Variants in PROS1 observed in about 807,000 individuals in gnomAD.
PROS1 encodes protein S.
A neutral mutation model predicts 75.9 loss-of-function variants in PROS1; 29 were observed. The ratio of observed to expected loss-of-function variants is 0.38; its 90% CI spans 0.28 to 0.52. The LOEUF (loss-of-function observed/expected upper bound fraction) is 0.52, where lower values mean the gene tolerates loss of function less well. Ranked by LOEUF, PROS1 falls within the 20% of genes least tolerant of loss-of-function variation. The pLI, the probability that PROS1 is intolerant of heterozygous loss-of-function variation, is 0.83. For synonymous variants in PROS1, 245 were observed against 280.6 expected, an observed-to-expected ratio of 0.87 and a Z score of 1.27; for missense variants, 680 against 810.3, an observed-to-expected ratio of 0.84 and a Z score of 1.95.
At chr3:93,953,507 G>A (rs879068407) in intron 1 of PROS1, among the ~76,000 whole-genome samples, 23 of 152,102 alleles carry the variant, frequency 1.5e-4, no homozygotes, top group African/African-American at 5.1e-4. Context: ...TGCAGAAAAG[G>A]CCTTCAGCAA....
chr3:93,884,853 A>G lies in PROS1; in HGVS notation c.1367T>C (p.Met456Thr). ...LDGCIRSWNLMKQGASGIKEI... is the reference protein window; with the variant it reads ...LDGCIRSWNLTKQGASGIKEI... ...CTTTATTCCAGAAGCTCCTTGCTTC[A>G]TCAAATTCCAGCTTCGTATACATCC... The change falls in exon 12 of 15, where the codon ATG (methionine) becomes ACG (threonine). Residue 456 changes from methionine (M) to threonine (T), a missense_variant. By Grantham distance (81) the Met-to-Thr change is moderately conservative. Coordinates refer to ENST00000394236, the MANE Select transcript of PROS1 (RefSeq NM_000313.4). 6.2e-7 allele frequency: 1 copy of G among 1,613,342 alleles called. No individual in the cohort carries two copies.
intron 1 of PROS1, among the ~76,000 whole-genome samples, chr3:93,956,030 T>G (rs1187608008): frequency 6.6e-6 from 1 of 152,122 alleles, no homozygotes; most frequent in Admixed American, 6.6e-5. Context: ...TTAATGTAAA[T>G]AGACTGAATT....
At chr3:93,931,396 A>G (rs1709103041) in intron 1 of PROS1, among the ~76,000 whole-genome samples, 2 of 152,228 alleles carry the variant, frequency 1.3e-5, no homozygotes, top group South Asian at 4.1e-4. Context: ...TCATTAGTTT[A>G]GATATAATTA....
chr3:93,973,852 C>G lies in PROS1; in HGVS notation c.-103G>C, dbSNP rs1372151110. ...CGAGCCTGTGCGCCTCGGTCTGAGC[C>G]GTGCTGCGCGGCGGCGCCAGCGACC... On this transcript the variant is annotated 5_prime_UTR_variant, in exon 1 of 15. Coordinates refer to ENST00000394236, the MANE Select transcript of PROS1 (RefSeq NM_000313.4). 2.1e-6 allele frequency: 2 copies of G among 940,466 alleles called. No individual in the cohort carries two copies. Among genetic ancestry groups the G allele is most frequent in the African/African-American group, 1.8e-5 (1 of 56,994 alleles). The allele number at this position is 940,466 out of a possible 1,614,324, so 58.3% of individuals were successfully genotyped here. A position where few individuals can be genotyped will look rare whatever the true frequency, so the allele number is the denominator to read the frequency against.
chr3:93,953,953 T>A (rs549055300), intron 1 of PROS1, among the ~76,000 whole-genome samples: 1 of 152,174 alleles, frequency 6.6e-6, no homozygotes, highest in Non-Finnish European at 1.5e-5. Flanking sequence ...AGCCAAATCA[T>A]GAGTGAACTC....
At chr3:93,922,462 A>G (rs1459566595) in intron 3 of PROS1, among the ~76,000 whole-genome samples, 1 of 152,182 alleles carries the variant, frequency 6.6e-6, no homozygotes, top group Non-Finnish European at 1.5e-5. Context: ...CTATAATGAA[A>G]CCCAGAGTAC....
At position 93,905,882 on chromosome 3, in the gene PROS1, T is replaced by C. The variant is rs144430063; in HGVS notation, c.503A>G (p.Asn168Ser). 294 of 1,612,542 alleles carry C rather than the reference T, an allele frequency of 1.8e-4. 1 individual carries two copies. Among genetic ancestry groups the C allele is most frequent in the Middle Eastern group, 1.5e-3 (9 of 6,054 alleles). ...ATCACAAATTTGACTGCAACCTCCATTTATATTTGAGGGATCTTTGCATTC... is the reference window on the plus strand; with the variant it reads ...ATCACAAATTTGACTGCAACCTCCACTTATATTTGAGGGATCTTTGCATTC... The part of the protein sequence containing the change: ...INECKDPSNI[N>S]GGCSQICDNT... The change falls in exon 6 of 15, where the codon AAT becomes AGT. Residue 168 changes from asparagine to serine, a missense_variant. Coordinates refer to ENST00000394236, the MANE Select transcript of PROS1 (RefSeq NM_000313.4).
rs1421550749 is a variant in PROS1, at chr3:93,895,491, G to A, written c.965+1085C>T. On this transcript the variant is annotated intron_variant, in intron 9 of 14. Coordinates refer to ENST00000394236, the MANE Select transcript of PROS1 (RefSeq NM_000313.4). ...TATTGATCTTAGAATAATTTTCAAT[G>A]TTTTTAATAACGTCTATGAATTTAG... Among the ~76,000 whole-genome samples, 4 of 152,128 alleles carry A rather than the reference G, an allele frequency of 2.6e-5. No homozygotes were observed. In the South Asian group the frequency reaches 6.2e-4, roughly 24 times the overall value.
intron 1 of PROS1, among the ~76,000 whole-genome samples, chr3:93,945,032 TG>T (rs1709360280): frequency 6.6e-6 from 1 of 152,134 alleles, no homozygotes; most frequent in African/African-American, 2.4e-5. Context: ...GAGAATACTA[TG>T]AACACCTCTA....
intron 6 of PROS1, 59 bp from the exon 7 acceptor site, chr3:93,900,988 A>G: frequency 6.4e-7 from 1 of 1,567,566 alleles, no homozygotes; most frequent in Non-Finnish European, 8.7e-7. Flanking sequence ...ACACTACCAA[A>G]GAACCCTTGA....
At chr3:93,917,821 T>A (rs1381874727) in intron 3 of PROS1, among the ~76,000 whole-genome samples, 1 of 152,158 alleles carries the variant, frequency 6.6e-6, no homozygotes, top group Non-Finnish European at 1.5e-5. Flanking sequence ...GCTGCCTCCC[T>A]GCAGGGCAGG....
rs1709033270 is a variant in PROS1, at chr3:93,927,278, C to G, written c.206G>C (p.Arg69Thr). Residue 69 changes from arginine to threonine, a missense_variant, in exon 2 of 15, where the codon AGG becomes ACG. Transcript: ENST00000394236. ...TTCCGGGTCATTTTCAAAGACCTCC[C>G]TGGCTTCTTCTTTATTGCACAGTTC... is the stretch of plus-strand genomic sequence containing the variant. ...IEELCNKEEA[R>T]EVFENDPETD... 1 of 1,612,650 alleles carries G rather than the reference C, an allele frequency of 6.2e-7. No individual in the cohort carries two copies. The highest frequency in any genetic ancestry group is 1.7e-5 in the Admixed American group (1 of 60,008).
At chr3:93,923,216 T>C (rs1280290630) in intron 3 of PROS1, among the ~76,000 whole-genome samples, 4 of 152,154 alleles carry the variant, frequency 2.6e-5, no homozygotes, top group Non-Finnish European at 5.9e-5. Context: ...TTAAGAGAGA[T>C]ACAAGGATAA....
chr3:93,905,745 C>T, intron 6 of PROS1, 39 bp downstream of exon 6: 6 of 1,599,358 alleles, frequency 3.8e-6, no homozygotes, highest in Non-Finnish European at 5.1e-6. Context: ...ATTATTCTCA[C>T]ATAGTAAATG....
chr3:93,935,208 A>C (rs1709164671), intron 1 of PROS1, among the ~76,000 whole-genome samples: 2 of 152,134 alleles, frequency 1.3e-5, no homozygotes, highest in African/African-American at 4.8e-5. Context: ...AATTTTCTAC[A>C]ACTCTATTTT....
At chr3:93,948,988 T>A (rs1330190590) in intron 1 of PROS1, among the ~76,000 whole-genome samples, 1 of 152,186 alleles carries the variant, frequency 6.6e-6, no homozygotes, top group African/African-American at 2.4e-5. Flanking sequence ...ATAAAAACAT[T>A]GCAAGCATGG....
chr3:93,931,771 G>T (rs143197942), intron 1 of PROS1, among the ~76,000 whole-genome samples: 2 of 152,146 alleles, frequency 1.3e-5, no homozygotes, highest in African/African-American at 4.8e-5. Context: ...AAGAACACTC[G>T]GTCAAAGAGC....
chr3:93,970,680 C>T (rs921441875), intron 1 of PROS1, among the ~76,000 whole-genome samples: 4 of 152,072 alleles, frequency 2.6e-5, no homozygotes, highest in Non-Finnish European at 5.9e-5. Flanking sequence ...TCTCATCTCT[C>T]TCTCTCATAC....
chr3:93,896,813 ATAAT>A (rs1708508510), intron 8 of PROS1, 122 bp from the exon 9 acceptor site: 3 of 689,538 alleles, frequency 4.4e-6, no homozygotes, highest in South Asian at 1.7e-5. Flanking sequence ...ATACACTAAA[ATAAT>A]TAAGAATATT....
Sources: allele counts gnomAD v4.1 joint callset (sites outside exome capture counted in the v4.1 genomes callset), GRCh38; gene constraint gnomAD v4.1.1; transcripts MANE v1.5; gene names NCBI Gene and HGNC (gene_info 2026-07-23, HGNC 2026-07-21).